CERT1: variants seen among roughly 807,000 people sequenced by gnomAD.
CERT1 encodes ceramide transporter 1, also known as ceramide transfer protein.
Under a neutral mutation model 87.9 loss-of-function variants are expected in CERT1, and 31 were observed. The observed-to-expected ratio is 0.35, with a 90% CI of 0.27 to 0.48. CERT1 has a LOEUF of 0.48. Among genes scored for constraint, CERT1 ranks in the 20% least tolerant of loss-of-function variants. The probability of loss-of-function intolerance (pLI) is 0.99; values close to 1 mark genes in which losing one functional copy is unlikely to be tolerated. For missense variants in CERT1, 487 were observed against 758.0 expected, an observed-to-expected ratio of 0.64 and a Z score of 4.20; for synonymous variants, 289 against 250.9, an observed-to-expected ratio of 1.15 and a Z score of -1.44.
chr5:75,390,733 A>T lies in CERT1; in HGVS notation c.1189-1046T>A, dbSNP rs967529255. 4.6e-5 allele frequency among the ~76,000 whole-genome samples: 7 copies of T among 152,226 alleles called. No individual in the cohort carries two copies. In the South Asian group the frequency reaches 1.4e-3, roughly 31 times the overall value. On this transcript the variant is annotated intron_variant, in intron 11 of 16. Transcript: ENST00000643780. ...CCTTAAGTTTAACTATTTGTTTTATATAAAGTCTATTCTGTTCATTAGGAA... is the reference window on the plus strand; with the variant it reads ...CCTTAAGTTTAACTATTTGTTTTATTTAAAGTCTATTCTGTTCATTAGGAA...
chr5:75,449,439 C>T (rs987385582), intron 3 of CERT1, among the ~76,000 whole-genome samples: 19 of 152,304 alleles, frequency 1.2e-4, no homozygotes, highest in African/African-American at 4.6e-4. Flanking sequence ...TTCTTGGTTG[C>T]TGGGAATTTT....
intron 3 of CERT1, among the ~76,000 whole-genome samples, chr5:75,457,796 A>G (rs1413911413): frequency 6.6e-6 from 1 of 151,320 alleles, no homozygotes; most frequent in East Asian, 2.0e-4. Context: ...TGCTTGTTAA[A>G]AATACCCAAA....
chr5:75,371,731 A>T (rs1382817489), intron 17 of CERT1: 16 of 152,270 alleles, frequency 1.1e-4, no homozygotes, highest in Admixed American at 9.8e-4. Flanking sequence ...TTTCTAACAT[A>T]GCACAAAAGA....
In CERT1 at chr5:75,511,096, A is replaced by AC; in HGVS notation, c.96+15dup. The AC allele has an allele frequency of 3.3e-6, 5 of 1,536,382 alleles. No homozygotes were observed. Among genetic ancestry groups the AC allele is most frequent in the Non-Finnish European group, 4.4e-6 (5 of 1,141,888 alleles). Reference sequence around the variant, plus strand: ...TGAGTCTGGCCAGGGGTCCCTTGGCACCAGGGGTTGCTCACCTTACTGAGG... The same window carrying AC: ...TGAGTCTGGCCAGGGGTCCCTTGGCACCCAGGGGTTGCTCACCTTACTGAGG... On this transcript the variant is annotated intron_variant, in intron 1 of 16. Coordinates refer to ENST00000643780, the MANE Select transcript of CERT1 (RefSeq NM_001379029.1).
intron 5 of CERT1, 179 bp downstream of exon 5, chr5:75,425,182 A>G: frequency 1.8e-6 from 1 of 557,504 alleles, no homozygotes; most frequent in Non-Finnish European, 3.2e-6. Flanking sequence ...ATCAAAATGA[A>G]TTAGTATGTG....
intron 3 of CERT1, among the ~76,000 whole-genome samples, chr5:75,432,256 C>T (rs779176192): frequency 6.6e-6 from 1 of 152,024 alleles, no homozygotes; most frequent in Non-Finnish European, 1.5e-5. Flanking sequence ...AGGGTTTTGC[C>T]ATGTTAGCCA....
At chr5:75,368,579 G>A (rs777950564) in exon 18 of CERT1, 1 of 152,158 alleles carries the variant, frequency 6.6e-6, no homozygotes, top group Non-Finnish European at 1.5e-5. Context: ...GCTCATCCTT[G>A]GGTTGAAAAT....
chr5:75,386,447 A>T (rs896756489), intron 12 of CERT1, among the ~76,000 whole-genome samples: 3 of 152,244 alleles, frequency 2.0e-5, no homozygotes, highest in African/African-American at 4.8e-5. Context: ...ATAGTATATG[A>T]AACACAATAG....
intron 3 of CERT1, among the ~76,000 whole-genome samples, chr5:75,439,889 T>G (rs1764250811): frequency 6.6e-6 from 1 of 152,064 alleles, no homozygotes; most frequent in Admixed American, 6.5e-5. Context: ...ATATTAAAAT[T>G]TATTTAGGCT....
intron 2 of CERT1, among the ~76,000 whole-genome samples, chr5:75,464,606 C>A (rs1043637544): frequency 2.6e-5 from 4 of 152,096 alleles, no homozygotes; most frequent in Non-Finnish European, 4.4e-5. Context: ...TTGGACACAG[C>A]GTCTCACTTT....
rs757961292 is a variant in CERT1, at chr5:75,385,918, A to C, written c.1401T>G (p.Val467=). 7 of 1,545,394 alleles carry C rather than the reference A, an allele frequency of 4.5e-6. No individual in the cohort carries two copies. The highest frequency in any genetic ancestry group is 6.1e-6 in the Non-Finnish European group (7 of 1,148,990). ...ACAGCTTACTTTCCCAGTCATTGCG[A>C]ACGTCAACATTCCAGAAATAATTGC... The part of the protein sequence containing the change: ...EVCNYFWNVD[V]RNDWETTIEN... Residue 467 remains valine (V), a synonymous_variant, in exon 13 of 17, where the codon GTT becomes GTG. Transcript: ENST00000643780.
intron 2 of CERT1, among the ~76,000 whole-genome samples, chr5:75,484,306 AG>A (rs1426357102): frequency 6.6e-6 from 1 of 151,772 alleles, no homozygotes; most frequent in Non-Finnish European, 1.5e-5. Flanking sequence ...GAACATAAAA[AG>A]AAAAAAAAAA....
rs698912 is a variant in CERT1, at chr5:75,385,948, T to C, written c.1371A>G (p.Glu457=). The change falls in exon 13 of 17, where the codon GAA becomes GAG. Residue 457 remains glutamate (E), a synonymous_variant. Coordinates refer to ENST00000643780, the MANE Select transcript of CERT1 (RefSeq NM_001379029.1). ...CAACATTCCAGAAATAATTGCAGACTTCATGTCCTGTGACGCCTTTAACTG... is the reference window on the plus strand; with the variant it reads ...CAACATTCCAGAAATAATTGCAGACCTCATGTCCTGTGACGCCTTTAACTG... ...THAVKGVTGH[E]VCNYFWNVDV... The C allele has an allele frequency of 0.23, 361,237 of 1,586,116 alleles. 43,931 individuals carry two copies. The highest frequency in any genetic ancestry group is 0.42 in the South Asian group (35,369 of 84,876).
intron 2 of CERT1, among the ~76,000 whole-genome samples, chr5:75,459,625 T>C (rs539272800): frequency 6.6e-6 from 1 of 152,268 alleles, no homozygotes; most frequent in South Asian, 2.1e-4. Context: ...CTGGGACTAC[T>C]GGCACATACC....
chr5:75,413,344 T>C (rs1188768978), intron 7 of CERT1, among the ~76,000 whole-genome samples: 1 of 152,164 alleles, frequency 6.6e-6, no homozygotes, highest in Non-Finnish European at 1.5e-5. Context: ...AAATACCACA[T>C]CAGCGTTAAA....
At chr5:75,391,450 C>T (rs1009586297) in intron 11 of CERT1, among the ~76,000 whole-genome samples, 1 of 152,128 alleles carries the variant, frequency 6.6e-6, no homozygotes, top group Non-Finnish European at 1.5e-5. Flanking sequence ...TAAACACTAA[C>T]AATATTTTAT....
At chr5:75,487,624 T>C (rs1175160552) in intron 2 of CERT1, among the ~76,000 whole-genome samples, 1 of 151,954 alleles carries the variant, frequency 6.6e-6, no homozygotes, top group Non-Finnish European at 1.5e-5. Flanking sequence ...GAGAAGTCTA[T>C]AAGAAGAAAT....
chr5:75,370,933 C>G (rs993022039), intron 17 of CERT1: 1 of 112,220 alleles, frequency 8.9e-6, no homozygotes, highest in Non-Finnish European at 1.7e-5. Context: ...GCCTGGGTGA[C>G]AAAGCAAGAC....
intron 2 of CERT1, among the ~76,000 whole-genome samples, chr5:75,491,479 G>C (rs1175223649): frequency 6.6e-6 from 1 of 151,878 alleles, no homozygotes; most frequent in Non-Finnish European, 1.5e-5. Context: ...ATCCTGCTCT[G>C]ATCTGTCTGG....
Sources: allele counts gnomAD v4.1 joint callset (sites outside exome capture counted in the v4.1 genomes callset), GRCh38; gene constraint gnomAD v4.1.1; transcripts MANE v1.5; gene names NCBI Gene and HGNC (gene_info 2026-07-23, HGNC 2026-07-21).